The following RYR2 variants were observed in gnomAD, a reference collection of about 807,000 sequenced individuals.
RYR2 encodes cardiac muscle ryanodine receptor-calcium release channel.
RYR2 carries 227 observed loss-of-function variants against 601.1 expected under a neutral mutation model. The observed-to-expected ratio is 0.38, with a 90% CI of 0.34 to 0.42. The LOEUF (loss-of-function observed/expected upper bound fraction) is 0.42. Ranked by LOEUF, RYR2 falls within the 10% of genes least tolerant of loss-of-function variation. The probability of loss-of-function intolerance (pLI) is 1.00; values close to 1 mark genes in which losing one functional copy is unlikely to be tolerated. For synonymous variants in RYR2, 2,223 were observed against 2,175.1 expected, an observed-to-expected ratio of 1.02 and a Z score of -0.61; for missense variants, 4,646 against 6,156.5, an observed-to-expected ratio of 0.75 and a Z score of 8.21.
chr1:237,718,860 G>A (rs1294906560), intron 73 of RYR2, among the ~76,000 whole-genome samples: 1 of 152,134 alleles, frequency 6.6e-6, no homozygotes, highest in African/African-American at 2.4e-5. Flanking sequence ...CATGTGCCAT[G>A]TTGGTGTGCT....
chr1:237,651,780 G>A (rs1435534028), intron 51 of RYR2, among the ~76,000 whole-genome samples: 2 of 152,060 alleles, frequency 1.3e-5, no homozygotes, highest in African/African-American at 4.8e-5. Context: ...GCTCACGCCT[G>A]TAATCCCAGC....
In RYR2 at chr1:237,500,864, G is replaced by A. The variant is rs182778119; in HGVS notation, c.2357G>A (p.Gly786Asp). The change falls in exon 21 of 105, where the codon GGC becomes GAC. Residue 786 changes from glycine to aspartate, a missense_variant. Coordinates refer to ENST00000366574, the MANE Select transcript of RYR2 (RefSeq NM_001035.3). ...ATGTTTGAGAATTTCAACATCGATG[G>A]CCTCTTCTTTCCAGTCGTTAGTTTC... Reference protein sequence around the residue: ...QGMFENFNIDGLFFPVVSFSA... With the variant: ...QGMFENFNIDDLFFPVVSFSA... The A allele has an allele frequency of 3.5e-5, 57 of 1,613,946 alleles. No individual in the cohort carries two copies. The Admixed American group carries it at 5.2e-4, about 15-fold the overall frequency.
At chr1:237,595,237 G>A (rs2148472848) in intron 33 of RYR2, among the ~76,000 whole-genome samples, 1 of 152,190 alleles carries the variant, frequency 6.6e-6, no homozygotes, top group South Asian at 2.1e-4. Context: ...AGAAGGTGCA[G>A]GTCAGTTCTT....
chr1:237,573,428 T>C (rs1021111320), intron 29 of RYR2, among the ~76,000 whole-genome samples: 1 of 151,548 alleles, frequency 6.6e-6, no homozygotes, highest in African/African-American at 2.4e-5. Flanking sequence ...TGTTTCTATA[T>C]ACCGTCAAAA....
Position 237,757,697 on chromosome 1 carries a change from G to A in RYR2, c.11246G>A (p.Gly3749Asp). 6.2e-7 allele frequency: 1 copy of A among 1,601,740 alleles called. No individual in the cohort carries two copies. The highest frequency in any genetic ancestry group is 8.6e-7 in the Non-Finnish European group (1 of 1,169,000). The change falls in exon 82 of 105, where the codon GGT becomes GAT. Residue 3749 changes from glycine (G) to aspartate (D), a missense_variant and splice_region_variant. By Grantham distance (94) the Gly-to-Asp change is moderately conservative. Around this residue, in one of 17 missense-constraint regions of RYR2, gnomAD observed 1,497 missense variants for 1,842.6 expected, o/e 0.81. Transcript: ENST00000366574. ...AACACTACTTTTTTATATTTCTTAG[G>A]TGAAACTGGACCAATGGTAGCAGCT... ...MVLQTISASK[G>D]ETGPMVAATL...
At chr1:237,171,754 C>T (rs537945875) in intron 1 of RYR2, among the ~76,000 whole-genome samples, 2 of 152,306 alleles carry the variant, frequency 1.3e-5, no homozygotes, top group East Asian at 1.9e-4. Context: ...GCTTCATCTG[C>T]GTCTGCCTCA....
chr1:237,324,167 A>G (rs1310550012), intron 2 of RYR2, among the ~76,000 whole-genome samples: 1 of 152,204 alleles, frequency 6.6e-6, no homozygotes, highest in Non-Finnish European at 1.5e-5. Flanking sequence ...CTTCCTTTCT[A>G]CAGTATTTCC....
chr1:237,256,962 A>G (rs551347053), intron 1 of RYR2, among the ~76,000 whole-genome samples: 1 of 152,212 alleles, frequency 6.6e-6, no homozygotes, highest in Admixed American at 6.5e-5. Flanking sequence ...CCACTCCTCC[A>G]TTCAAACCAA....
intron 34 of RYR2, among the ~76,000 whole-genome samples, chr1:237,601,234 G>C (rs1676464980): frequency 6.6e-6 from 1 of 152,122 alleles, no homozygotes; most frequent in African/African-American, 2.4e-5. Context: ...TATATACACA[G>C]TGGAATACTA....
chr1:237,756,565 A>T (rs564461543), intron 81 of RYR2, among the ~76,000 whole-genome samples, 178 bp downstream of exon 81: 1 of 149,752 alleles, frequency 6.7e-6, no homozygotes. Flanking sequence ...ACCAATGTTA[A>T]TTTTTTTTTT....
At chr1:237,139,541 T>A (rs1002939222) in intron 1 of RYR2, among the ~76,000 whole-genome samples, 1 of 152,218 alleles carries the variant, frequency 6.6e-6, no homozygotes, top group African/African-American at 2.4e-5. Context: ...TGTGCAAAAG[T>A]GAGATCATAG....
rs1351157021 is a variant in RYR2, at chr1:237,711,728, C to A, written c.10231-17C>A. The A allele has an allele frequency of 2.8e-6, 4 of 1,424,596 alleles. No homozygotes were observed. Among genetic ancestry groups the A allele is most frequent in the Middle Eastern group, 1.8e-4 (1 of 5,414 alleles). The allele number at this position is 1,424,596 out of a possible 1,614,324, so 88.2% of individuals were successfully genotyped here. On this transcript the variant is annotated splice_polypyrimidine_tract_variant and intron_variant, in intron 70 of 104. Coordinates refer to ENST00000366574, the MANE Select transcript of RYR2 (RefSeq NM_001035.3). ...CTTTAAGTGGTTTTAACTGAAATTT[C>A]CTTTGCAACTTCTCAGAATTTCAAA... is the stretch of plus-strand genomic sequence containing the variant.
rs957881132 is a variant in RYR2 at position 237,833,517 on chromosome 1, A to G, written c.*870A>G. On this transcript the variant is annotated 3_prime_UTR_variant, in exon 105 of 105. Coordinates refer to ENST00000366574, the MANE Select transcript of RYR2 (RefSeq NM_001035.3). ...CATGTTTATTATGCAAGTTTAAATG[A>G]ACAAAGAAAACCTTCAGAAACAAGT... 2 of 142,118 alleles carry G rather than the reference A, an allele frequency of 1.4e-5. No homozygotes were observed. Among genetic ancestry groups the G allele is most frequent in the African/African-American group, 5.9e-5 (2 of 33,990 alleles). The allele number at this position is 142,118 out of a possible 1,614,324, so 8.8% of individuals were successfully genotyped here. A position where few individuals can be genotyped will look rare whatever the true frequency, so the allele number is the denominator to read the frequency against.
chr1:237,609,631 C>T (rs916300625), intron 35 of RYR2, among the ~76,000 whole-genome samples: 1 of 151,900 alleles, frequency 6.6e-6, no homozygotes, highest in Admixed American at 6.6e-5. Context: ...TCCCAAAGTG[C>T]TGGGATTACA....
Position 237,502,667 on chromosome 1 carries a change from G to A in RYR2, c.2397-622G>A, listed in dbSNP as rs79543870. Among the ~76,000 whole-genome samples, 1,507 of 152,180 alleles carry A rather than the reference G, an allele frequency of 9.9e-3. 28 individuals carry two copies. Among genetic ancestry groups the A allele is most frequent in the African/African-American group, 0.032 (1,341 of 41,520 alleles). ...TCTCACAGGGGGCAGAGCTCAGGCG[G>A]TAATGCTCTCTTGCCCACACAGCTC... On this transcript the variant is annotated intron_variant, in intron 21 of 104. Transcript: ENST00000366574.
chr1:237,224,228 T>C (rs1684120827), intron 1 of RYR2, among the ~76,000 whole-genome samples: 1 of 152,204 alleles, frequency 6.6e-6, no homozygotes, highest in African/African-American at 2.4e-5. Context: ...ATGAACTGCA[T>C]AGTCTAGAAG....
At chr1:237,635,236 A>G (rs528865628) in intron 44 of RYR2, among the ~76,000 whole-genome samples, 15 of 152,202 alleles carry the variant, frequency 9.9e-5, no homozygotes, top group Non-Finnish European at 1.9e-4. Flanking sequence ...TAATTCTACT[A>G]TACATTATAT....
intron 1 of RYR2, among the ~76,000 whole-genome samples, chr1:237,137,357 A>T (rs2148735435): frequency 6.6e-6 from 1 of 152,250 alleles, no homozygotes; most frequent in East Asian, 1.9e-4. Flanking sequence ...AAAATAATTT[A>T]TAAGAGAGCA....
Position 237,395,119 on chromosome 1 carries a change from G to A in RYR2, c.773+6936G>A, listed in dbSNP as rs140263733. On this transcript the variant is annotated intron_variant, in intron 10 of 104. Transcript: ENST00000366574. ...TTACGATTCAATGTGAGGTTTGGGC[G>A]GGGACACAAATCCAAACCATATCAC... Among the ~76,000 whole-genome samples the A allele has an allele frequency of 9.2e-5, 14 of 152,234 alleles. No homozygotes were observed. In the East Asian group the frequency reaches 1.5e-3, roughly 17 times the overall value.
Sources: allele counts gnomAD v4.1 joint callset (sites outside exome capture counted in the v4.1 genomes callset), GRCh38; gene constraint gnomAD v4.1.1; regional missense constraint gnomAD v4.1.1; transcripts MANE v1.5; gene names NCBI Gene and HGNC (gene_info 2026-07-23, HGNC 2026-07-21).